The following TNIK variants were observed in gnomAD, a reference collection of about 807,000 sequenced individuals.
TNIK encodes the protein TRAF2 and NCK-interacting protein kinase.
A neutral mutation model predicts 191.3 loss-of-function variants in TNIK; 49 were observed. The observed-to-expected ratio is 0.26, with a 90% confidence interval of 0.20 to 0.32. The LOEUF is 0.32. Ranked by LOEUF, TNIK falls within the 10% of genes least tolerant of loss-of-function variation. TNIK has a pLI of 1.00. For synonymous variants in TNIK, 594 were observed against 600.9 expected (o/e 0.99, Z 0.17); for missense variants, 1,155 against 1,702.3 (o/e 0.68, Z 5.66).
chr3:171,311,089 G>A (rs1484561651), intron 2 of TNIK, among the ~76,000 whole-genome samples: 1 of 152,008 alleles, frequency 6.6e-6, no homozygotes, highest in Non-Finnish European at 1.5e-5. Context: ...AAAGATATAT[G>A]TGAGCTTTAT....
chr3:171,137,166 A>T (rs1163494144), intron 15 of TNIK, among the ~76,000 whole-genome samples: 1 of 144,230 alleles, frequency 6.9e-6, no homozygotes, highest in African/African-American at 2.6e-5. Flanking sequence ...TATCATTAAC[A>T]TTAGGACAAC....
chr3:171,346,250 C>T (rs1308113608), intron 2 of TNIK, among the ~76,000 whole-genome samples: 1 of 152,102 alleles, frequency 6.6e-6, no homozygotes, highest in African/African-American at 2.4e-5. Context: ...AATTGAGTCA[C>T]TGTAGATAAA....
intron 2 of TNIK, among the ~76,000 whole-genome samples, chr3:171,349,924 C>T (rs1305697046): frequency 2.0e-5 from 3 of 152,098 alleles, no homozygotes; most frequent in Non-Finnish European, 4.4e-5. Flanking sequence ...TTATCTACTC[C>T]CAAAGCAAGA....
intron 1 of TNIK, among the ~76,000 whole-genome samples, chr3:171,414,497 T>C (rs1722802029): frequency 6.6e-6 from 1 of 152,224 alleles, no homozygotes; most frequent in Non-Finnish European, 1.5e-5. Context: ...TCATAGTTTA[T>C]AAAGCACGTT....
rs1017015584 is a variant in TNIK, at chr3:171,081,440, G to T, written c.3313+811C>A. Among the ~76,000 whole-genome samples, 3 of 150,346 alleles carry T rather than the reference G, an allele frequency of 2.0e-5. No homozygotes were observed. In the East Asian group the frequency reaches 5.9e-4, roughly 29 times the overall value. ...TGGAAACACATCAGAAACTATGAACGCTCCTGATGCCTAAACCCCACCCCC... is the reference window on the plus strand; with the variant it reads ...TGGAAACACATCAGAAACTATGAACTCTCCTGATGCCTAAACCCCACCCCC... On this transcript the variant is annotated intron_variant, in intron 27 of 32. Coordinates refer to ENST00000436636, the MANE Select transcript of TNIK (RefSeq NM_015028.4).
chr3:171,104,599 T>C (rs1316902836), intron 21 of TNIK, among the ~76,000 whole-genome samples: 1 of 152,176 alleles, frequency 6.6e-6, no homozygotes, highest in East Asian at 1.9e-4. Context: ...TTAACTATTA[T>C]GCACATCTTG....
intron 30 of TNIK, among the ~76,000 whole-genome samples, chr3:171,066,971 C>T (rs1718520717): frequency 6.6e-6 from 1 of 152,138 alleles, no homozygotes; most frequent in African/African-American, 2.4e-5. Context: ...CTATGGCACA[C>T]CTACTATGTG....
chr3:171,437,137 T>C (rs1726128500), intron 1 of TNIK, among the ~76,000 whole-genome samples: 1 of 152,242 alleles, frequency 6.6e-6, no homozygotes, highest in African/African-American at 2.4e-5. Context: ...ATTTCAAAGA[T>C]TCTATCCAGT....
intron 2 of TNIK, among the ~76,000 whole-genome samples, chr3:171,339,860 T>C (rs1186792454): frequency 6.6e-6 from 1 of 152,198 alleles, no homozygotes; most frequent in Non-Finnish European, 1.5e-5. Flanking sequence ...ATACACCAGC[T>C]CATGGGCCGG....
At chr3:171,312,112 T>TAAA (rs1754086200) in intron 2 of TNIK, among the ~76,000 whole-genome samples, 4 of 36,306 alleles carry the variant, frequency 1.1e-4, no homozygotes, top group African/African-American at 5.3e-4. Flanking sequence ...CAGCTCCAGA[T>TAAA]TAAAAAAAAA....
At chr3:171,209,064 G>GGT (rs61264225) in intron 4 of TNIK, among the ~76,000 whole-genome samples, 7,122 of 142,034 alleles carry the variant, frequency 0.05, 202 homozygotes, top group Non-Finnish European at 0.056. Context: ...CTTTGGAAGG[G>GGT]GTGTGTGTGT....
intron 2 of TNIK, among the ~76,000 whole-genome samples, chr3:171,278,500 A>T (rs1750042313): frequency 6.6e-6 from 1 of 152,336 alleles, no homozygotes; most frequent in Non-Finnish European, 1.5e-5. Flanking sequence ...AAAAAAATTT[A>T]AAAACATAAA....
intron 22 of TNIK, among the ~76,000 whole-genome samples, chr3:171,096,345 A>C: frequency 6.6e-6 from 1 of 151,936 alleles, no homozygotes; most frequent in Non-Finnish European, 1.5e-5. Context: ...TCCAAAACAC[A>C]AATCTGACCA....
intron 28 of TNIK, among the ~76,000 whole-genome samples, chr3:171,078,846 G>A (rs1410306508): frequency 1.3e-5 from 2 of 152,110 alleles, no homozygotes; most frequent in African/African-American, 2.4e-5. Flanking sequence ...AGCTAAGTAG[G>A]GGTTAGAGGG....
intron 7 of TNIK, among the ~76,000 whole-genome samples, chr3:171,185,223 G>GTGTGTGTGTGTGTGTCT (rs1737216663): frequency 6.6e-6 from 1 of 150,486 alleles, no homozygotes. Flanking sequence ...GTGTCTATGG[G>GTGTGTGTGTGTGTGTCT]GTGGGAGGGG....
intron 2 of TNIK, among the ~76,000 whole-genome samples, chr3:171,339,456 C>A (rs1757298219): frequency 6.6e-6 from 1 of 152,210 alleles, no homozygotes; most frequent in Non-Finnish European, 1.5e-5. Context: ...CAGAATGCCA[C>A]TTCGCTTTTG....
intron 2 of TNIK, among the ~76,000 whole-genome samples, chr3:171,239,699 A>C (rs1301229274): frequency 2.6e-5 from 4 of 152,268 alleles, no homozygotes; most frequent in African/African-American, 9.6e-5. Context: ...TATTACAAAA[A>C]GGACATTAGA....
chr3:171,091,686 G>T (rs542151806), intron 23 of TNIK, among the ~76,000 whole-genome samples: 3 of 152,072 alleles, frequency 2.0e-5, no homozygotes, highest in African/African-American at 7.2e-5. Flanking sequence ...AGTGAGCCGA[G>T]ATTGCACCAC....
chr3:171,228,651 T>C (rs9827901), intron 2 of TNIK, among the ~76,000 whole-genome samples: 1 of 152,228 alleles, frequency 6.6e-6, no homozygotes, highest in Non-Finnish European at 1.5e-5. Context: ...TGGATATGAT[T>C]CTGCTATAAT....
Sources: allele counts gnomAD v4.1 joint callset (sites outside exome capture counted in the v4.1 genomes callset), GRCh38; gene constraint gnomAD v4.1.1; transcripts MANE v1.5; gene names NCBI Gene and HGNC (gene_info 2026-07-23, HGNC 2026-07-21).